The following COL4A6 variants were observed in gnomAD, a reference collection of about 807,000 sequenced individuals.
COL4A6 encodes the protein collagen alpha-6(IV) chain.
A neutral mutation model predicts 126.7 loss-of-function variants in COL4A6; 59 were observed. The observed-to-expected ratio is 0.47, with a 90% CI of 0.38 to 0.58. The LOEUF is 0.58. COL4A6 is among the 20% of genes least tolerant of loss of function. The probability of loss-of-function intolerance (pLI) is 0.00; values close to 1 mark genes in which losing one functional copy is unlikely to be tolerated. For synonymous variants in COL4A6, 547 were observed against 496.6 expected (o/e 1.10, Z -1.35); for missense variants, 1,285 against 1,337.3 (o/e 0.96, Z 0.61).
At chrX:108,407,113 G>C (rs903595534) in intron 2 of COL4A6, among the ~76,000 whole-genome samples, 1 of 112,324 alleles carries the variant, frequency 8.9e-6, no homozygotes, top group Admixed American at 9.4e-5. Context: ...TCAACTCTGG[G>C]AGCGAATTAT....
At chrX:108,385,912 C>A (rs1274398389) in intron 2 of COL4A6, among the ~76,000 whole-genome samples, 1 of 108,365 alleles carries the variant, frequency 9.2e-6, no homozygotes, top group Non-Finnish European at 1.9e-5. Context: ...TGTTCCCCTC[C>A]CTGTGTCCAT....
At chrX:108,373,018 ATATC>A (rs1368710893) in intron 2 of COL4A6, among the ~76,000 whole-genome samples, 10 of 111,950 alleles carry the variant, frequency 8.9e-5, no homozygotes, top group African/African-American at 2.3e-4. Context: ...TCTTTTCCAC[ATATC>A]TATCTAATGC....
At chrX:108,178,983 G>T in intron 26 of COL4A6, 138 bp from the exon 27 acceptor site, 1 of 776,958 alleles carries the variant, frequency 1.3e-6, no homozygotes. Context: ...CCGTAACCCA[G>T]TCTTTGCAAG....
intron 2 of COL4A6, among the ~76,000 whole-genome samples, chrX:108,329,292 A>G (rs1286921180): frequency 8.9e-6 from 1 of 112,058 alleles, no homozygotes; most frequent in Middle Eastern, 4.6e-3. Flanking sequence ...TTTGATCATT[A>G]CACAATTTAT....
chrX:108,209,923 G>A (rs1375434156), intron 8 of COL4A6, 46 bp downstream of exon 8: 1 of 1,185,631 alleles, frequency 8.4e-7, no homozygotes, highest in Non-Finnish European at 1.1e-6. Flanking sequence ...CACCATTAGT[G>A]ATTTTTAGTC....
intron 14 of COL4A6, among the ~76,000 whole-genome samples, chrX:108,195,716 T>C (rs1290213538): frequency 8.9e-6 from 1 of 112,070 alleles, no homozygotes; most frequent in African/African-American, 3.2e-5. Flanking sequence ...CTGCATTAGT[T>C]CCAAGTCAGG....
chrX:108,162,235 C>T (rs944988673), intron 41 of COL4A6, among the ~76,000 whole-genome samples: 13 of 109,988 alleles, frequency 1.2e-4, no homozygotes, highest in Admixed American at 4.8e-4. Context: ...CTGTAGTCCC[C>T]GCTACTCCGG....
intron 3 of COL4A6, among the ~76,000 whole-genome samples, chrX:108,245,382 A>G (rs1405430713): frequency 1.8e-5 from 2 of 111,968 alleles, no homozygotes; most frequent in African/African-American, 3.2e-5. Flanking sequence ...CAGGAATCAC[A>G]TGGAAGGAAC....
chrX:108,354,585 C>G (rs1001390101), intron 2 of COL4A6, among the ~76,000 whole-genome samples: 1 of 104,699 alleles, frequency 9.6e-6, no homozygotes, highest in Admixed American at 1.0e-4. Flanking sequence ...CCTTAGAATG[C>G]AGTTTAAATC....
At position 108,195,043 on chromosome X, in the gene COL4A6, T is replaced by C. The variant is rs762022534; in HGVS notation, c.948+39A>G. 4.5e-6 allele frequency: 5 copies of C among 1,123,145 alleles called. No homozygotes were observed. The South Asian group carries it at 7.9e-5, about 18-fold the overall frequency. 92.6% of individuals were successfully genotyped at this position (1,123,145 alleles called of 1,213,427 possible). A position where few individuals can be genotyped will look rare whatever the true frequency, so the allele number is the denominator to read the frequency against. On this transcript the variant is annotated intron_variant, in intron 15 of 44. Coordinates refer to ENST00000334504, the MANE Select transcript of COL4A6 (RefSeq NM_033641.4). Reference sequence around the variant, plus strand: ...AAGCAAGGGGGACTTTTGATTGGGATTTTATACCCCAAGGCTTTAATGATA... The same window carrying C: ...AAGCAAGGGGGACTTTTGATTGGGACTTTATACCCCAAGGCTTTAATGATA...
chrX:108,182,938 C>G (rs1385306247), intron 23 of COL4A6, among the ~76,000 whole-genome samples: 3 of 112,367 alleles, frequency 2.7e-5, no homozygotes, highest in Non-Finnish European at 3.8e-5. Context: ...AAGCTGAGGA[C>G]AGGCATCCAG....
At chrX:108,379,692 T>C (rs1166356978) in intron 2 of COL4A6, among the ~76,000 whole-genome samples, 1 of 110,443 alleles carries the variant, frequency 9.1e-6, no homozygotes, top group Admixed American at 9.8e-5. Context: ...AATGTTACTA[T>C]TTTATTATTA....
At chrX:108,330,729 C>A (rs183574113) in intron 2 of COL4A6, among the ~76,000 whole-genome samples, 61 of 111,153 alleles carry the variant, frequency 5.5e-4, no homozygotes, top group Non-Finnish European at 9.3e-4. Flanking sequence ...CACAGCTATA[C>A]CAAGTAATTT....
chrX:108,162,234 C>G (rs1320896832), intron 41 of COL4A6, among the ~76,000 whole-genome samples: 1 of 110,333 alleles, frequency 9.1e-6, no homozygotes, highest in Non-Finnish European at 1.9e-5. Flanking sequence ...CCTGTAGTCC[C>G]CGCTACTCCG....
intron 2 of COL4A6, among the ~76,000 whole-genome samples, chrX:108,384,968 AGCAT>A (rs903976486): frequency 9.0e-6 from 1 of 111,369 alleles, no homozygotes; most frequent in African/African-American, 3.3e-5. Context: ...TGTCACAGTT[AGCAT>A]GCCATCACTT....
chrX:108,192,388 C>T, intron 18 of COL4A6, 85 bp downstream of exon 18: 1 of 677,859 alleles, frequency 1.5e-6, no homozygotes. Flanking sequence ...GGTGTGTGCC[C>T]CGACCCAGAG....
chrX:108,318,357 T>C (rs1419746558), intron 2 of COL4A6, among the ~76,000 whole-genome samples: 1 of 111,472 alleles, frequency 9.0e-6, no homozygotes, highest in African/African-American at 3.3e-5. Context: ...CAACATAGTG[T>C]TGGAAGTTCT....
intron 2 of COL4A6, among the ~76,000 whole-genome samples, chrX:108,363,172 A>G: frequency 8.9e-6 from 1 of 112,001 alleles, no homozygotes; most frequent in East Asian, 2.8e-4. Context: ...GAAGGGGCAA[A>G]CACAAAGCAA....
Position 108,427,952 on chromosome X carries a change from A to G in COL4A6, c.63+9990T>C, listed in dbSNP as rs1250155468. On this transcript the variant is annotated intron_variant, in intron 2 of 44. Coordinates refer to ENST00000334504, the MANE Select transcript of COL4A6 (RefSeq NM_033641.4). Reference sequence around the variant, plus strand: ...GTTGTCTTGAGCAGCTAACAAAATAATATATGATAAAGTGCTTTGTAAACT... The same window carrying G: ...GTTGTCTTGAGCAGCTAACAAAATAGTATATGATAAAGTGCTTTGTAAACT... Among the ~76,000 whole-genome samples the G allele has an allele frequency of 3.6e-5, 4 of 111,864 alleles. No homozygotes were observed. The Admixed American group carries it at 3.8e-4, about 11-fold the overall frequency.
Sources: gnomAD v4.1 joint callset for allele counts (sites outside exome capture counted in the v4.1 genomes callset) on GRCh38, gnomAD v4.1.1 for gene constraint, MANE v1.5 for transcripts, NCBI Gene and HGNC (gene_info 2026-07-23, HGNC 2026-07-21) for gene names.